Variants in CDC14A observed in about 807,000 individuals in gnomAD.
CDC14A encodes dual specificity protein phosphatase CDC14A.
CDC14A carries 53 observed loss-of-function variants against 74.4 expected under a neutral mutation model. The ratio of observed to expected loss-of-function variants is 0.71; its 90% CI spans 0.57 to 0.89. The LOEUF (loss-of-function observed/expected upper bound fraction) is 0.89. Among genes scored for constraint, CDC14A ranks in the 40% least tolerant of loss-of-function variants. The pLI is 0.00. For missense variants in CDC14A, 646 were observed against 713.7 expected (o/e 0.91, Z 1.08); for synonymous variants, 247 against 258.4 (o/e 0.96, Z 0.43).
chr1:100,424,253 C>A lies in CDC14A; in HGVS notation c.341C>A (p.Ala114Asp), dbSNP rs1341534371. The change falls in exon 5 of 16, where the codon GCC (alanine) becomes GAC (aspartate). Residue 114 changes from alanine to aspartate, a missense_variant. Coordinates refer to ENST00000336454, the MANE Select transcript of CDC14A (RefSeq NM_003672.4). ...VIYLKKTPEE[A>D]YRALLSGSNP... is the part of the protein sequence containing the mutation. ...TATTTAAAGAAGACACCAGAAGAAG[C>A]CTACAGAGCACTCCTGTCTGGCTCA... 1 of 1,613,246 alleles carries A rather than the reference C, an allele frequency of 6.2e-7. No homozygotes were observed. Among genetic ancestry groups the A allele is most frequent in the Admixed American group, 1.7e-5 (1 of 60,012 alleles).
chr1:100,372,618 C>G (rs1654638644), intron 2 of CDC14A, among the ~76,000 whole-genome samples: 1 of 152,172 alleles, frequency 6.6e-6, no homozygotes, highest in African/African-American at 2.4e-5. Context: ...GAGAATTTAG[C>G]AATTAGGCTC....
At chr1:100,498,279 C>T (rs927415197) in intron 14 of CDC14A, 72 bp downstream of exon 14, 4 of 1,547,762 alleles carry the variant, frequency 2.6e-6, no homozygotes, top group Middle Eastern at 1.7e-4. Flanking sequence ...ATGAGTTTAG[C>T]TGCAGTTTTG....
At chr1:100,476,224 G>A (rs114768040) in intron 10 of CDC14A, among the ~76,000 whole-genome samples, 2,054 of 152,198 alleles carry the variant, frequency 0.013, 50 homozygotes, top group African/African-American at 0.046. Flanking sequence ...AGGCCGAGGC[G>A]GGCAGATCGC....
rs535926571 is a variant in CDC14A at position 100,491,116 on chromosome 1, C to T, written c.1138-3702C>T. Among the ~76,000 whole-genome samples, 6 of 152,070 alleles carry T rather than the reference C, an allele frequency of 3.9e-5. No homozygotes were observed. The East Asian group carries it at 5.8e-4, about 15-fold the overall frequency. ...GATGAAAGACAGAGAACAGCCTAAC[C>T]TAGGCTATCGGTTAAATAATAAAAT... On this transcript the variant is annotated intron_variant, in intron 11 of 15. Coordinates refer to ENST00000336454, the MANE Select transcript of CDC14A (RefSeq NM_003672.4).
intron 4 of CDC14A, 130 bp from the exon 5 acceptor site, chr1:100,424,092 C>G (rs992764195): frequency 1.4e-6 from 1 of 693,558 alleles, no homozygotes; most frequent in Admixed American, 2.2e-5. Context: ...CAAGTTGTTG[C>G]TTTGTAAAGA....
intron 2 of CDC14A, among the ~76,000 whole-genome samples, chr1:100,361,059 A>G (rs896547329): frequency 1.3e-5 from 2 of 152,034 alleles, no homozygotes; most frequent in Admixed American, 6.6e-5. Context: ...CCAGAAGTAA[A>G]TGACTTTTAC....
chr1:100,442,233 C>G (rs537524849), intron 6 of CDC14A, among the ~76,000 whole-genome samples: 1 of 148,052 alleles, frequency 6.8e-6, no homozygotes, highest in African/African-American at 2.5e-5. Flanking sequence ...CAGATTCTCC[C>G]AAGGTAGAGT....
intron 2 of CDC14A, among the ~76,000 whole-genome samples, chr1:100,368,644 A>G (rs1350206078): frequency 2.0e-5 from 3 of 152,216 alleles, no homozygotes; most frequent in African/African-American, 7.2e-5. Context: ...GTATACAAGC[A>G]TATTTTGTGA....
chr1:100,349,832 T>G (rs1418229552), upstream of CDC14A, among the ~76,000 whole-genome samples: 4 of 152,162 alleles, frequency 2.6e-5, no homozygotes, highest in African/African-American at 9.7e-5. Flanking sequence ...CTGGCTAATT[T>G]TTTTTTGAGA....
intron 4 of CDC14A, among the ~76,000 whole-genome samples, chr1:100,412,527 C>A (rs1047138895): frequency 6.7e-5 from 10 of 149,186 alleles, no homozygotes; most frequent in African/African-American, 2.5e-4. Flanking sequence ...TACCAGGAAA[C>A]CTGCCATTCA....
chr1:100,500,722 G>T (rs1285544204), intron 15 of CDC14A, among the ~76,000 whole-genome samples: 3 of 122,226 alleles, frequency 2.5e-5, no homozygotes, highest in African/African-American at 9.8e-5. Context: ...CGGCACTCCA[G>T]CTGGGTGACA....
intron 2 of CDC14A, among the ~76,000 whole-genome samples, chr1:100,369,181 A>G (rs371112798): frequency 1.3e-5 from 2 of 151,376 alleles, no homozygotes; most frequent in Non-Finnish European, 2.9e-5. Flanking sequence ...GGTTCAAGCA[A>G]TTTTCCTGCC....
intron 3 of CDC14A, among the ~76,000 whole-genome samples, chr1:100,384,383 C>T (rs1305721920): frequency 6.6e-6 from 1 of 152,070 alleles, no homozygotes; most frequent in Non-Finnish European, 1.5e-5. Context: ...TATATTTTTT[C>T]CTTGTTAAAT....
intron 4 of CDC14A, chr1:100,393,194 T>C: frequency 1.3e-6 from 2 of 1,594,122 alleles, no homozygotes. Context: ...CAGCTGTGAG[T>C]TGCATGTTCT....
chr1:100,485,189 A>G lies in CDC14A; in HGVS notation c.1137+738A>G, dbSNP rs7546377. 3,411 of 985,390 alleles carry G rather than the reference A, an allele frequency of 3.5e-3. 84 individuals are homozygous for G. The African/African-American group carries it at 0.054, about 16-fold the overall frequency. The allele number at this position is 985,390 out of a possible 1,614,324, so 61.0% of individuals were successfully genotyped here. ...GTTGAAACACCATTTGTTTGGTTCC[A>G]CTATTGTAGAGACAAGAAACTGGGG... On this transcript the variant is annotated intron_variant, in intron 11 of 15. Transcript: ENST00000336454.
intron 11 of CDC14A, among the ~76,000 whole-genome samples, chr1:100,488,084 G>A (rs1670223214): frequency 6.6e-6 from 1 of 152,184 alleles, no homozygotes; most frequent in Non-Finnish European, 1.5e-5. Context: ...ATACAAAATA[G>A]TACTAGCAAT....
intron 3 of CDC14A, among the ~76,000 whole-genome samples, chr1:100,378,147 G>T (rs748748662): frequency 8.5e-5 from 13 of 152,154 alleles, no homozygotes; most frequent in African/African-American, 3.1e-4. Flanking sequence ...TAGAATTCTG[G>T]TCATACATTT....
At chr1:100,462,919 C>A (rs375601956) in intron 9 of CDC14A, 38 bp downstream of exon 9, 1 of 1,506,294 alleles carries the variant, frequency 6.6e-7, no homozygotes, top group South Asian at 1.1e-5. Flanking sequence ...CTGTGCTTAT[C>A]GAAGGGGCGG....
At chr1:100,420,063 C>CACAATAT in intron 4 of CDC14A, among the ~76,000 whole-genome samples, 2 of 61,566 alleles carry the variant, frequency 3.2e-5, no homozygotes, top group South Asian at 1.8e-3. Context: ...CACACACACA[C>CACAATAT]ATATATATAT....
Sources: gnomAD v4.1 joint callset for allele counts (sites outside exome capture counted in the v4.1 genomes callset) on GRCh38, gnomAD v4.1.1 for gene constraint, MANE v1.5 for transcripts, NCBI Gene and HGNC (gene_info 2026-07-23, HGNC 2026-07-21) for gene names.